Variants in PARD3B observed in about 807,000 individuals in gnomAD.
PARD3B encodes the protein partitioning defective 3 homolog B.
PARD3B carries 103 observed loss-of-function variants against 130.2 expected under a neutral mutation model. That is an observed-to-expected ratio of 0.79 (90% CI 0.67 to 0.93). The LOEUF is 0.93. Among genes scored for constraint, PARD3B ranks in the 40% least tolerant of loss-of-function variants. The pLI is 0.00. For synonymous variants in PARD3B, 583 were observed against 553.2 expected (o/e 1.05, Z -0.76); for missense variants, 1,609 against 1,499.2 (o/e 1.07, Z -1.21).
intron 2 of PARD3B, among the ~76,000 whole-genome samples, chr2:204,872,418 T>G (rs1325414474): frequency 2.6e-5 from 4 of 152,184 alleles, no homozygotes; most frequent in Non-Finnish European, 5.9e-5. Flanking sequence ...TATAGGGACA[T>G]TTAGATGATC....
At chr2:205,375,115 G>C (rs1215283584) in intron 18 of PARD3B, among the ~76,000 whole-genome samples, 1 of 152,078 alleles carries the variant, frequency 6.6e-6, no homozygotes, top group Non-Finnish European at 1.5e-5. Flanking sequence ...TTGTTCTCCA[G>C]TACTGTTCTT....
intron 2 of PARD3B, among the ~76,000 whole-genome samples, chr2:204,745,983 T>C (rs1390163601): frequency 9.9e-6 from 1 of 100,872 alleles, no homozygotes; most frequent in African/African-American, 3.4e-5. Context: ...ATTTTTTTTC[T>C]TTTTTTTTTT....
At chr2:205,163,497 CT>C (rs2034627353) in intron 11 of PARD3B, among the ~76,000 whole-genome samples, 1 of 152,158 alleles carries the variant, frequency 6.6e-6, no homozygotes, top group African/African-American at 2.4e-5. Flanking sequence ...GATTCTCCTT[CT>C]GAAGGATGCA....
chr2:204,915,051 G>A (rs1328807942), intron 2 of PARD3B, among the ~76,000 whole-genome samples: 1 of 152,042 alleles, frequency 6.6e-6, no homozygotes, highest in Non-Finnish European at 1.5e-5. Flanking sequence ...GCGGGGAGGA[G>A]GACAGAGAAA....
intron 2 of PARD3B, among the ~76,000 whole-genome samples, chr2:204,872,151 A>G (rs949031182): frequency 6.6e-6 from 1 of 152,126 alleles, no homozygotes. Context: ...CCAAAAGATT[A>G]TAATTCTCTC....
At chr2:205,048,983 G>C (rs1417894188) in intron 4 of PARD3B, among the ~76,000 whole-genome samples, 2 of 152,200 alleles carry the variant, frequency 1.3e-5, no homozygotes, top group Non-Finnish European at 2.9e-5. Flanking sequence ...CACTGGTTGA[G>C]ACCATGTTGA....
At chr2:205,332,420 G>A (rs1169017389) in intron 18 of PARD3B, among the ~76,000 whole-genome samples, 1 of 151,910 alleles carries the variant, frequency 6.6e-6, no homozygotes, top group African/African-American at 2.4e-5. Context: ...AAAAAGAGAA[G>A]GAAGGAAGGG....
intron 2 of PARD3B, among the ~76,000 whole-genome samples, chr2:204,813,641 A>C (rs2125528867): frequency 6.6e-6 from 1 of 152,186 alleles, no homozygotes; most frequent in East Asian, 1.9e-4. Flanking sequence ...AAGTTTTATC[A>C]TTTTAAGTTT....
At position 204,549,921 on chromosome 2, in the gene PARD3B, C is replaced by T. The variant is rs563275966; in HGVS notation, c.120+3802C>T. Among the ~76,000 whole-genome samples the T allele has an allele frequency of 3.6e-4, 33 of 90,692 alleles. No homozygotes were observed. In the East Asian group the frequency reaches 9.8e-3, roughly 27 times the overall value. The allele number at this position is 90,692 out of a possible 152,430, so 59.5% of individuals were successfully genotyped here. The stretch of plus-strand genomic sequence containing the variant: ...TGAATTTTGACATTTCTGGCCTTTT[C>T]TCATTAAAAAAAAACAAACAAATAA... On this transcript the variant is annotated intron_variant, in intron 1 of 22. Coordinates refer to ENST00000406610, the MANE Select transcript of PARD3B (RefSeq NM_001302769.2).
chr2:204,762,822 A>G (rs2040966693), intron 2 of PARD3B, among the ~76,000 whole-genome samples: 1 of 146,800 alleles, frequency 6.8e-6, no homozygotes, highest in Non-Finnish European at 1.5e-5. Context: ...GTGCAATGGC[A>G]CGATCTCGGC....
rs767308533 is a variant in PARD3B, at chr2:205,280,048, T to A, written c.2186-20482T>A. On this transcript the variant is annotated intron_variant, in intron 16 of 22. Transcript: ENST00000406610. The surrounding 1 kb of genome is among the most constrained non-coding windows in gnomAD (Gnocchi z 4.7). ...AAGCTACATTTAAAATTTTAAACCA[T>A]AAGCTATTAGAGAAGGGTAAAAGAG... Among the ~76,000 whole-genome samples the A allele has an allele frequency of 2.0e-5, 3 of 152,206 alleles. No individual in the cohort carries two copies. Among genetic ancestry groups the A allele is most frequent in the Non-Finnish European group, 4.4e-5 (3 of 68,034 alleles).
chr2:204,667,703 G>C (rs762410240), intron 1 of PARD3B, among the ~76,000 whole-genome samples: 4 of 152,092 alleles, frequency 2.6e-5, no homozygotes, highest in Non-Finnish European at 4.4e-5. Context: ...CCTTCCATGG[G>C]GGAGTCACAA....
At chr2:205,150,534 T>G (rs1370488676) in intron 10 of PARD3B, among the ~76,000 whole-genome samples, 2 of 152,140 alleles carry the variant, frequency 1.3e-5, no homozygotes, top group Non-Finnish European at 1.5e-5. Context: ...GGACATTTAT[T>G]TCTAACAGAG....
intron 5 of PARD3B, 101 bp from the exon 6 acceptor site, chr2:205,113,389 CA>C (rs368750104): frequency 0.7 from 386,099 of 554,468 alleles, 130,663 homozygotes; most frequent in East Asian, 0.82. Context: ...TAATCCTGAG[CA>C]GGGGTGTGTG....
chr2:204,904,096 A>AT (rs2046962811), intron 2 of PARD3B, among the ~76,000 whole-genome samples: 1 of 152,020 alleles, frequency 6.6e-6, no homozygotes, highest in South Asian at 2.1e-4. Context: ...ATTTTACTTT[A>AT]TTTTTTTGCA....
At chr2:205,210,817 C>A (rs950613982) in intron 15 of PARD3B, among the ~76,000 whole-genome samples, 1 of 151,938 alleles carries the variant, frequency 6.6e-6, no homozygotes, top group African/African-American at 2.4e-5. Flanking sequence ...AGCTGTTTGA[C>A]TGTATGTTTT....
At chr2:205,580,451 G>A (rs1221225697) in intron 22 of PARD3B, among the ~76,000 whole-genome samples, 1 of 152,140 alleles carries the variant, frequency 6.6e-6, no homozygotes, top group African/African-American at 2.4e-5. Context: ...ACTGTTACAG[G>A]AGGGCATGTT....
intron 1 of PARD3B, among the ~76,000 whole-genome samples, chr2:204,590,969 C>T (rs1334927277): frequency 6.6e-6 from 1 of 152,094 alleles, no homozygotes; most frequent in African/African-American, 2.4e-5. Context: ...TTTTCATTAG[C>T]ATTTTGTAAT....
At chr2:205,378,707 C>T (rs1250153420) in intron 18 of PARD3B, among the ~76,000 whole-genome samples, 1 of 150,826 alleles carries the variant, frequency 6.6e-6, no homozygotes, top group Non-Finnish European at 1.5e-5. Context: ...TCTCAGCTCA[C>T]TGCAACCTCC....
Sources: allele counts gnomAD v4.1 joint callset (sites outside exome capture counted in the v4.1 genomes callset), GRCh38; gene constraint gnomAD v4.1.1; non-coding constraint Gnocchi (gnomAD v3.1); transcripts MANE v1.5; gene names NCBI Gene and HGNC (gene_info 2026-07-23, HGNC 2026-07-21).